Variants in CC2D2A observed in about 807,000 individuals in gnomAD.
CC2D2A encodes the protein coiled-coil and C2 domain-containing protein 2A.
CC2D2A carries 155 observed loss-of-function variants against 212.9 expected under a neutral mutation model. That is an observed-to-expected ratio of 0.73 (90% CI 0.64 to 0.83). The LOEUF is 0.83. Ranked by LOEUF, CC2D2A falls within the 40% of genes least tolerant of loss-of-function variation. The pLI is 0.00. For missense variants in CC2D2A, 1,856 were observed against 1,956.2 expected, an observed-to-expected ratio of 0.95 and a Z score of 0.97; for synonymous variants, 667 against 686.5, an observed-to-expected ratio of 0.97 and a Z score of 0.44.
At chr4:15,540,497 T>G (rs909503283) in intron 16 of CC2D2A, among the ~76,000 whole-genome samples, 1 of 152,230 alleles carries the variant, frequency 6.6e-6, no homozygotes, top group African/African-American at 2.4e-5. Flanking sequence ...TATTATCCCC[T>G]TTGTCTTGAA....
chr4:15,588,743 A>C (rs762911488), intron 32 of CC2D2A, among the ~76,000 whole-genome samples: 1 of 151,798 alleles, frequency 6.6e-6, no homozygotes, highest in Non-Finnish European at 1.5e-5. Context: ...TTCTGTGCCC[A>C]CTCCTCATTA....
chr4:15,547,055 A>T (rs760867296), intron 17 of CC2D2A, among the ~76,000 whole-genome samples: 1 of 152,208 alleles, frequency 6.6e-6, no homozygotes, highest in Non-Finnish European at 1.5e-5. Context: ...ACAAAATGAC[A>T]GGTATAGAAA....
intron 30 of CC2D2A, among the ~76,000 whole-genome samples, chr4:15,583,666 T>G (rs1412749811): frequency 6.6e-6 from 1 of 152,088 alleles, no homozygotes. Flanking sequence ...TTACAAACAC[T>G]GGGCTCAGCG....
intron 4 of CC2D2A, among the ~76,000 whole-genome samples, chr4:15,495,790 T>A (rs1325430535): frequency 6.6e-6 from 1 of 152,182 alleles, no homozygotes; most frequent in Non-Finnish European, 1.5e-5. Context: ...CTATTTTAAG[T>A]TCTTTGGGAA....
rs993398875 is a variant in CC2D2A, at chr4:15,511,585, C to G, written c.717+162C>G. ...CCCAAGTACTGAATTCACATGGCTC[C>G]CTGTAGCTCTGGGTTAGACCCTACA... On this transcript the variant is annotated intron_variant, in intron 8 of 36. Coordinates refer to ENST00000424120, the MANE Select transcript of CC2D2A (RefSeq NM_001378615.1). The G allele has an allele frequency of 1.0e-4, 59 of 575,180 alleles. No homozygotes were observed. In the South Asian group the frequency reaches 1.8e-3, roughly 18 times the overall value. The allele number at this position is 575,180 out of a possible 1,614,324, so 35.6% of individuals were successfully genotyped here. A position where few individuals can be genotyped will look rare whatever the true frequency, so the allele number is the denominator to read the frequency against.
Position 15,580,139 on chromosome 4 carries a change from A to T in CC2D2A, c.3943A>T (p.Asn1315Tyr), listed in dbSNP as rs1297986816. The change falls in exon 30 of 37, where the codon AAT becomes TAT. Residue 1315 changes from asparagine (N) to tyrosine (Y), a missense_variant. Asn to Tyr is a moderately radical substitution (Grantham distance 143). Around this residue, in one of 5 missense-constraint regions of CC2D2A, gnomAD observed 20 missense variants for 46.9 expected, o/e 0.43. Coordinates refer to ENST00000424120, the MANE Select transcript of CC2D2A (RefSeq NM_001378615.1). ...TTTAAACCCTCCTCAGGAGCTCCTT[A>T]ATGTCTACCCCAATAATCTACAGGC... ...KPLNPPQELL[N>Y]VYPNNLQATA... 5 of 1,613,784 alleles carry T rather than the reference A, an allele frequency of 3.1e-6. No individual in the cohort carries two copies. In the Admixed American group the frequency reaches 5.0e-5, roughly 16 times the overall value.
chr4:15,601,273 G>T lies in CC2D2A; in HGVS notation c.4711G>T (p.Val1571Leu). The stretch of plus-strand genomic sequence containing the variant: ...TCCTCTTCACATGCCTTATTCTGAA[G>T]TGAAGCCTTTAATTGACGCTGTGTA... ...GFPLHMPYSE[V>L]KPLIDAVYST... Residue 1571 changes from valine to leucine, a missense_variant, in exon 37 of 37, where the codon GTG (valine) becomes TTG (leucine). By Grantham distance (32) the Val-to-Leu change is conservative. Coordinates refer to ENST00000424120, the MANE Select transcript of CC2D2A (RefSeq NM_001378615.1). 7.4e-6 allele frequency: 12 copies of T among 1,613,084 alleles called. No homozygotes were observed. Among genetic ancestry groups the T allele is most frequent in the Non-Finnish European group, 1.0e-5 (12 of 1,179,448 alleles).
intron 17 of CC2D2A, among the ~76,000 whole-genome samples, chr4:15,542,437 C>A (rs73237163): frequency 0.018 from 2,755 of 152,232 alleles, 30 homozygotes; most frequent in Non-Finnish European, 0.029. Flanking sequence ...AGAAATTTCT[C>A]ACTCCCCTCC....
chr4:15,557,553 C>A, intron 21 of CC2D2A, 46 bp downstream of exon 21: 1 of 1,332,438 alleles, frequency 7.5e-7, no homozygotes. Flanking sequence ...AAAGTACCTA[C>A]TGTGCTGTTA....
At chr4:15,534,113 G>A (rs1441667954) in intron 14 of CC2D2A, among the ~76,000 whole-genome samples, 1 of 152,074 alleles carries the variant, frequency 6.6e-6, no homozygotes, top group Non-Finnish European at 1.5e-5. Context: ...TTGACTATTT[G>A]GATTTCCTCT....
At chr4:15,556,127 ATTAGT>A (rs1350188116) in intron 20 of CC2D2A, among the ~76,000 whole-genome samples, 1 of 152,262 alleles carries the variant, frequency 6.6e-6, no homozygotes, top group African/African-American at 2.4e-5. Flanking sequence ...AAATTGGAAC[ATTAGT>A]TTATTTTTCT....
chr4:15,572,375 A>G (rs1000101333), intron 28 of CC2D2A, among the ~76,000 whole-genome samples: 1 of 152,196 alleles, frequency 6.6e-6, no homozygotes, highest in Non-Finnish European at 1.5e-5. Flanking sequence ...AAAGCAGAGA[A>G]AACTATTGAA....
chr4:15,513,252 G>A (rs1716675358), intron 8 of CC2D2A, among the ~76,000 whole-genome samples: 1 of 152,184 alleles, frequency 6.6e-6, no homozygotes, highest in Non-Finnish European at 1.5e-5. Flanking sequence ...AAAAGCAAGT[G>A]ATCTAGGGGA....
intron 4 of CC2D2A, among the ~76,000 whole-genome samples, chr4:15,486,108 T>C (rs1000296231): frequency 2.2e-4 from 34 of 152,304 alleles, no homozygotes; most frequent in African/African-American, 7.5e-4. Context: ...TCAGAGATAC[T>C]GGCTTGTAAA....
intron 6 of CC2D2A, among the ~76,000 whole-genome samples, chr4:15,508,323 CAG>C (rs923116641): frequency 4.6e-5 from 7 of 152,280 alleles, no homozygotes; most frequent in Middle Eastern, 3.4e-3. Context: ...TGTCACTTCT[CAG>C]AGTCAACTAC....
chr4:15,482,900 G>A lies in CC2D2A; in HGVS notation c.247+2073G>A, dbSNP rs367851527. ...ATTAGTCCCTTCCCCCACAAAAAGC[G>A]CTATTTCTGAATTGGGGAATGGAGA... On this transcript the variant is annotated intron_variant, in intron 4 of 36. Coordinates refer to ENST00000424120, the MANE Select transcript of CC2D2A (RefSeq NM_001378615.1). Among the ~76,000 whole-genome samples the A allele has an allele frequency of 5.0e-4, 76 of 152,286 alleles. No individual in the cohort carries two copies. In the South Asian group the frequency reaches 0.01, roughly 21 times the overall value.
At chr4:15,529,956 A>G (rs1028380011) in intron 13 of CC2D2A, among the ~76,000 whole-genome samples, 1 of 150,578 alleles carries the variant, frequency 6.6e-6, no homozygotes, top group African/African-American at 2.4e-5. Context: ...GGTTTGTTAC[A>G]TACGCATTTC....
At chr4:15,481,965 T>C in intron 4 of CC2D2A, 1 of 985,444 alleles carries the variant, frequency 1.0e-6, no homozygotes, top group Non-Finnish European at 1.2e-6. Flanking sequence ...CGCCTTTTCT[T>C]CTTCCCCAGT....
chr4:15,553,236 C>T lies in CC2D2A; in HGVS notation c.2417C>T (p.Ala806Val), dbSNP rs769808709. The T allele has an allele frequency of 5.6e-6, 9 of 1,613,102 alleles. No individual in the cohort carries two copies. The highest frequency in any genetic ancestry group is 7.6e-6 in the Non-Finnish European group (9 of 1,179,574). ...MTSGKVSHSV[A>V]WAIGENGIPL... Reference sequence around the variant, plus strand: ...TCAGGGAAAGTGTCTCATAGTGTGGCATGGGCCATTGGAGAAAACGGGATA... The same window carrying T: ...TCAGGGAAAGTGTCTCATAGTGTGGTATGGGCCATTGGAGAAAACGGGATA... Residue 806 changes from alanine to valine, a missense_variant, in exon 19 of 37, where the codon GCA (alanine) becomes GTA (valine). This residue lies in a region of CC2D2A where 1,512 missense variants were observed against 1,579.3 expected (regional missense o/e 0.96). Transcript: ENST00000424120.
Sources: gnomAD v4.1 joint callset for allele counts (sites outside exome capture counted in the v4.1 genomes callset) on GRCh38, gnomAD v4.1.1 for gene constraint, gnomAD v4.1.1 regional missense constraint, MANE v1.5 for transcripts, NCBI Gene and HGNC (gene_info 2026-07-23, HGNC 2026-07-21) for gene names.